Variants in CFAP20DC observed in about 807,000 individuals in gnomAD.
CFAP20DC encodes the protein protein CFAP20DC.
In CFAP20DC, 84 loss-of-function variants were observed where a neutral mutation model predicts 101.7. That is an observed-to-expected ratio of 0.83 (90% confidence interval 0.69 to 0.99). The LOEUF (loss-of-function observed/expected upper bound fraction) is 0.99. Among genes scored for constraint, CFAP20DC ranks in the 50% least tolerant of loss-of-function variants. The pLI is 0.00. For missense variants in CFAP20DC, 1,007 were observed against 970.3 expected (o/e 1.04, Z -0.50); for synonymous variants, 359 against 351.2 (o/e 1.02, Z -0.25).
Position 58,831,736 on chromosome 3 carries a change from T to C in CFAP20DC, c.2125A>G (p.Ile709Val), listed in dbSNP as rs2076407457. 8.7e-6 allele frequency: 14 copies of C among 1,614,090 alleles called. No homozygotes were observed. Among genetic ancestry groups the C allele is most frequent in the East Asian group, 2.2e-5 (1 of 44,866 alleles). ...ASQVDNCNVS[I>V]STSSDDTTTW... The stretch of plus-strand genomic sequence containing the variant: ...GTTGTGTCGTCACTGCTGGTACTTA[T>C]GCTGACATTACAGTTGTCCACCTGG... The change falls in exon 14 of 17, where the codon ATA becomes GTA. Residue 709 changes from isoleucine to valine, a missense_variant. Ile to Val is a conservative substitution (Grantham distance 29). Coordinates refer to ENST00000482387, the MANE Select transcript of CFAP20DC (RefSeq NM_001394063.1).
chr3:58,867,375 T>C (rs2108501739), intron 10 of CFAP20DC, among the ~76,000 whole-genome samples: 1 of 152,286 alleles, frequency 6.6e-6, no homozygotes, highest in Admixed American at 6.5e-5. Flanking sequence ...AATTTTAACC[T>C]AGAGTATAAC....
intron 15 of CFAP20DC, among the ~76,000 whole-genome samples, chr3:58,790,414 C>T (rs1466831631): frequency 6.6e-6 from 1 of 152,222 alleles, no homozygotes; most frequent in Non-Finnish European, 1.5e-5. Context: ...ACAGGCATTC[C>T]TGTTTTCTCG....
chr3:58,816,239 T>A (rs913532413), intron 14 of CFAP20DC, among the ~76,000 whole-genome samples: 1 of 152,114 alleles, frequency 6.6e-6, no homozygotes, highest in African/African-American at 2.4e-5. Flanking sequence ...AAATCATCAT[T>A]CTCAGTAAAC....
rs551696768 is a variant in CFAP20DC, at chr3:58,964,511, G to C, written c.279-26749C>G. On this transcript the variant is annotated intron_variant, in intron 4 of 16. Coordinates refer to ENST00000482387, the MANE Select transcript of CFAP20DC (RefSeq NM_001394063.1). The surrounding 1 kb of genome is among the most constrained non-coding windows in gnomAD (Gnocchi z 4.1). ...TTCCTATCTTATCCCTTCCTTCCTC[G>C]AAGTGCTTGCTTTGGGTTTTAAGCT... 6.6e-6 allele frequency among the ~76,000 whole-genome samples: 1 copy of C among 152,014 alleles called. No homozygotes were observed.
rs759927218 is a variant in CFAP20DC at position 58,866,531 on chromosome 3, A to G, written c.1258+35T>C. On this transcript the variant is annotated intron_variant, in intron 11 of 16. Transcript: ENST00000482387. ...TATTTACCATATTTACATTTTATTC[A>G]TTATTAACAGATATGGTGTAATAAA... 14 of 1,521,170 alleles carry G rather than the reference A, an allele frequency of 9.2e-6. No homozygotes were observed. In the South Asian group the frequency reaches 1.8e-4, roughly 19 times the overall value. 94.2% of individuals were successfully genotyped at this position (1,521,170 alleles called of 1,614,324 possible). A position where few individuals can be genotyped will look rare whatever the true frequency, so the allele number is the denominator to read the frequency against.
In CFAP20DC at chr3:59,049,761, G is replaced by A. The variant is rs1700165205; in HGVS notation, c.-130C>T. On this transcript the variant is annotated 5_prime_UTR_variant, in exon 1 of 17. Transcript: ENST00000482387. ...CGGGTGGGAAAGGGCTTCGTGCTTG[G>A]CCCAGACTTGGGCAGGCTCTTCTCA... 1.8e-6 allele frequency: 2 copies of A among 1,139,388 alleles called. No homozygotes were observed. Among genetic ancestry groups the A allele is most frequent in the Non-Finnish European group, 2.5e-6 (2 of 815,644 alleles). 70.6% of individuals were successfully genotyped at this position (1,139,388 alleles called of 1,614,324 possible).
chr3:59,037,260 C>G (rs2094121128), intron 4 of CFAP20DC, among the ~76,000 whole-genome samples: 1 of 152,022 alleles, frequency 6.6e-6, no homozygotes, highest in African/African-American at 2.4e-5. Flanking sequence ...GCAATGGCAA[C>G]AAAAGCCAAA....
At chr3:58,718,778 T>G (rs918012570) in intron 3 of CFAP20DC, among the ~76,000 whole-genome samples, 2 of 152,236 alleles carry the variant, frequency 1.3e-5, no homozygotes, top group Non-Finnish European at 2.9e-5. Flanking sequence ...CCTGGTCCAA[T>G]TGGCCTGCTC....
intron 15 of CFAP20DC, among the ~76,000 whole-genome samples, chr3:58,801,874 A>G (rs1197082005): frequency 6.6e-6 from 1 of 152,220 alleles, no homozygotes; most frequent in African/African-American, 2.4e-5. Context: ...ATTTTTAAAA[A>G]CTACAGATAA....
chr3:58,718,537 T>G (rs2067427305), intron 3 of CFAP20DC, among the ~76,000 whole-genome samples: 1 of 152,136 alleles, frequency 6.6e-6, no homozygotes, highest in Admixed American at 6.5e-5. Flanking sequence ...GAGAGCCAAT[T>G]CCACCCAGAG....
chr3:58,750,854 T>C (rs1293395070), intron 16 of CFAP20DC, among the ~76,000 whole-genome samples: 1 of 152,176 alleles, frequency 6.6e-6, no homozygotes, highest in Non-Finnish European at 1.5e-5. Flanking sequence ...TGCTTATGAA[T>C]AAAGTTTAAG....
intron 5 of CFAP20DC, among the ~76,000 whole-genome samples, chr3:58,917,658 C>A (rs1292128804): frequency 6.6e-6 from 1 of 152,140 alleles, no homozygotes; most frequent in Non-Finnish European, 1.5e-5. Context: ...GTTATAATTT[C>A]TCGATAGAAA....
chr3:58,977,672 G>A (rs75864275), intron 4 of CFAP20DC, among the ~76,000 whole-genome samples: 2 of 151,742 alleles, frequency 1.3e-5, no homozygotes, highest in African/African-American at 2.4e-5. Flanking sequence ...TCTGGACATG[G>A]CCTATTCTCT....
intron 4 of CFAP20DC, among the ~76,000 whole-genome samples, chr3:58,977,425 C>T (rs1432742768): frequency 6.6e-6 from 1 of 152,134 alleles, no homozygotes; most frequent in African/African-American, 2.4e-5. Context: ...ACAGTTGAAG[C>T]AAATATTTTT....
intron 14 of CFAP20DC, among the ~76,000 whole-genome samples, chr3:58,810,642 A>C (rs557780218): frequency 8.1e-5 from 12 of 148,628 alleles, no homozygotes; most frequent in South Asian, 2.1e-4. Flanking sequence ...GAAAACTGGC[A>C]CAAGACAGGG....
chr3:58,783,078 G>T (rs1382530047), intron 15 of CFAP20DC, among the ~76,000 whole-genome samples: 3 of 152,048 alleles, frequency 2.0e-5, no homozygotes, highest in East Asian at 1.9e-4. Context: ...TATAAAAAGA[G>T]ACATATAGAC....
chr3:58,752,276 C>A (rs1360790960), intron 16 of CFAP20DC, among the ~76,000 whole-genome samples: 1 of 152,002 alleles, frequency 6.6e-6, no homozygotes, highest in Non-Finnish European at 1.5e-5. Flanking sequence ...ACAAACCACC[C>A]AAGCATATAA....
At chr3:58,963,338 T>A (rs2091305669) in intron 4 of CFAP20DC, among the ~76,000 whole-genome samples, 3 of 152,030 alleles carry the variant, frequency 2.0e-5, no homozygotes, top group Admixed American at 2.0e-4. Flanking sequence ...ATTGCTTTTT[T>A]GGAAGATAAT....
chr3:58,873,600 G>A (rs578146567), intron 7 of CFAP20DC, among the ~76,000 whole-genome samples: 2 of 150,834 alleles, frequency 1.3e-5, no homozygotes, highest in East Asian at 4.0e-4. Context: ...TGTCAGGCAG[G>A]TGTTCAAGCA....
Sources: allele counts gnomAD v4.1 joint callset (sites outside exome capture counted in the v4.1 genomes callset), GRCh38; gene constraint gnomAD v4.1.1; non-coding constraint Gnocchi (gnomAD v3.1); transcripts MANE v1.5; gene names NCBI Gene and HGNC (gene_info 2026-07-23, HGNC 2026-07-21).